Variants in MSH3 observed in about 807,000 individuals in gnomAD.
The protein encoded by MSH3 is mutS homolog 3.
Under a neutral mutation model 123.3 loss-of-function variants are expected in MSH3, and 106 were observed. The observed-to-expected ratio is 0.86, with a 90% CI of 0.73 to 1.01. The LOEUF is 1.01. Among genes scored for constraint, MSH3 ranks in the 50% least tolerant of loss-of-function variants. MSH3 has a pLI of 0.00. For synonymous variants in MSH3, 515 were observed against 481.4 expected (o/e 1.07, Z -0.91); for missense variants, 1,459 against 1,347.6 (o/e 1.08, Z -1.29).
intron 12 of MSH3, among the ~76,000 whole-genome samples, chr5:80,749,773 A>T (rs918214407): frequency 4.6e-5 from 7 of 152,186 alleles, no homozygotes; most frequent in Admixed American, 3.3e-4. Flanking sequence ...ACAATGCATT[A>T]ACTATAGTCA....
intron 20 of MSH3, among the ~76,000 whole-genome samples, chr5:80,824,072 A>G (rs914329121): frequency 2.0e-5 from 3 of 152,198 alleles, no homozygotes; most frequent in African/African-American, 4.8e-5. Context: ...ACAGAGCAAA[A>G]TGGAGTCTCC....
intron 17 of MSH3, among the ~76,000 whole-genome samples, chr5:80,785,438 A>T (rs1744488482): frequency 6.6e-6 from 1 of 152,150 alleles, no homozygotes. Context: ...AATGGCAATC[A>T]TTAAAAAGTC....
intron 19 of MSH3, among the ~76,000 whole-genome samples, chr5:80,803,554 T>C (rs1744830311): frequency 1.4e-5 from 2 of 138,380 alleles, no homozygotes; most frequent in African/African-American, 5.1e-5. Context: ...TTTCTTTTGC[T>C]GTGCAGATTT....
At chr5:80,658,953 G>C (rs961768642) in intron 2 of MSH3, among the ~76,000 whole-genome samples, 1 of 152,122 alleles carries the variant, frequency 6.6e-6, no homozygotes, top group Non-Finnish European at 1.5e-5. Flanking sequence ...AGTTCTTGGG[G>C]CCAGGCACGG....
At chr5:80,824,348 C>T (rs945382924) in intron 20 of MSH3, among the ~76,000 whole-genome samples, 3 of 149,852 alleles carry the variant, frequency 2.0e-5, no homozygotes, top group East Asian at 2.0e-4. Flanking sequence ...CCGGACGGGG[C>T]GGCTGGCCGG....
At chr5:80,723,335 T>C (rs1751127616) in intron 8 of MSH3, among the ~76,000 whole-genome samples, 2 of 152,034 alleles carry the variant, frequency 1.3e-5, no homozygotes, top group Admixed American at 6.5e-5. Context: ...TGGAACAGCA[T>C]GGAGAATCCA....
chr5:80,669,701 G>A (rs1270052122), intron 3 of MSH3, among the ~76,000 whole-genome samples: 1 of 152,116 alleles, frequency 6.6e-6, no homozygotes, highest in Non-Finnish European at 1.5e-5. Flanking sequence ...AAGTGGTTTT[G>A]CCCTACTCCT....
chr5:80,831,764 T>C (rs994930637), intron 20 of MSH3, among the ~76,000 whole-genome samples: 1 of 150,508 alleles, frequency 6.6e-6, no homozygotes, highest in African/African-American at 2.4e-5. Flanking sequence ...CAACCTGAAG[T>C]GAATGGGAAC....
intron 19 of MSH3, among the ~76,000 whole-genome samples, chr5:80,794,450 G>A (rs1223355511): frequency 6.6e-6 from 1 of 152,108 alleles, no homozygotes; most frequent in East Asian, 1.9e-4. Context: ...TCCAGAAGAG[G>A]GCTCAGAGAA....
intron 8 of MSH3, among the ~76,000 whole-genome samples, chr5:80,693,721 A>C (rs1750403087): frequency 6.6e-6 from 1 of 151,954 alleles, no homozygotes; most frequent in Non-Finnish European, 1.5e-5. Context: ...GCAGTAGCAC[A>C]ATCTTGGCCC....
intron 17 of MSH3, among the ~76,000 whole-genome samples, chr5:80,786,787 T>A (rs1450691676): frequency 6.6e-6 from 1 of 152,142 alleles, no homozygotes; most frequent in Non-Finnish European, 1.5e-5. Flanking sequence ...TATGAGATAA[T>A]GGGATAATTT....
intron 17 of MSH3, among the ~76,000 whole-genome samples, chr5:80,782,515 G>A (rs1744429193): frequency 6.6e-6 from 1 of 152,138 alleles, no homozygotes; most frequent in Admixed American, 6.6e-5. Context: ...TTTTATGTAA[G>A]GGATTTGAGC....
At chr5:80,701,640 A>G (rs959286393) in intron 8 of MSH3, among the ~76,000 whole-genome samples, 4 of 152,084 alleles carry the variant, frequency 2.6e-5, no homozygotes, top group African/African-American at 9.7e-5. Flanking sequence ...TTCACTTTCT[A>G]CCTGAAGTCA....
chr5:80,822,038 A>C (rs1467870551), intron 20 of MSH3, among the ~76,000 whole-genome samples: 1 of 152,236 alleles, frequency 6.6e-6, no homozygotes, highest in Non-Finnish European at 1.5e-5. Context: ...TTGATAGGTC[A>C]ATAGGATTCT....
At chr5:80,753,256 C>G (rs186505998) in intron 12 of MSH3, among the ~76,000 whole-genome samples, 1 of 152,220 alleles carries the variant, frequency 6.6e-6, no homozygotes, top group Admixed American at 6.5e-5. Flanking sequence ...ATCAGATGAC[C>G]AAGGCTTCCA....
intron 10 of MSH3, among the ~76,000 whole-genome samples, chr5:80,734,378 G>C (rs1019368923): frequency 1.3e-5 from 2 of 152,164 alleles, no homozygotes; most frequent in South Asian, 4.1e-4. Flanking sequence ...ACATGGTGGT[G>C]ATGGTTGGCC....
intron 20 of MSH3, among the ~76,000 whole-genome samples, chr5:80,830,450 CAGTTTATAAGG>C: frequency 6.6e-6 from 1 of 152,174 alleles, no homozygotes; most frequent in South Asian, 2.1e-4. Flanking sequence ...ATAATGTGTG[CAGTTTATAAGG>C]ATGCAGCCTC....
intron 8 of MSH3, among the ~76,000 whole-genome samples, chr5:80,712,855 G>T (rs1750885963): frequency 6.6e-6 from 1 of 151,752 alleles, no homozygotes; most frequent in East Asian, 1.9e-4. Flanking sequence ...AGTGGTGGTT[G>T]TTCCCTACTG....
intron 4 of MSH3, 24 bp from the exon 5 acceptor site, chr5:80,672,220 A>T: frequency 6.8e-7 from 1 of 1,471,034 alleles, no homozygotes; most frequent in Non-Finnish European, 9.5e-7. Flanking sequence ...AAATTTATTG[A>T]TATTTTCTTT....
Sources: gnomAD v4.1 joint callset for allele counts (sites outside exome capture counted in the v4.1 genomes callset) on GRCh38, gnomAD v4.1.1 for gene constraint, MANE v1.5 for transcripts, NCBI Gene and HGNC (gene_info 2026-07-23, HGNC 2026-07-21) for gene names.